The following CYP27C1 variants were observed in gnomAD, a reference collection of about 807,000 sequenced individuals.
CYP27C1 encodes the protein cytochrome P450 family 27 subfamily C member 1.
CYP27C1 carries 29 observed loss-of-function variants against 40.6 expected under a neutral mutation model. The observed-to-expected ratio is 0.71, with a 90% CI of 0.53 to 0.97. CYP27C1 has a LOEUF of 0.97. CYP27C1 is among the 50% of genes least tolerant of loss of function. The pLI, the probability that CYP27C1 is intolerant of heterozygous loss-of-function variation, is 0.00. For missense variants in CYP27C1, 390 were observed against 485.8 expected (o/e 0.80, Z 1.85); for synonymous variants, 198 against 186.8 (o/e 1.06, Z -0.49).
At position 127,200,962 on chromosome 2, in the gene CYP27C1, CA is replaced by C. The variant is rs139162819; in HGVS notation, c.883+159del. Among the ~76,000 whole-genome samples, 312 of 138,214 alleles carry C rather than the reference CA, an allele frequency of 2.3e-3. No homozygotes were observed. The highest frequency in any genetic ancestry group is 3.7e-3 in the Middle Eastern group (1 of 272). 90.7% of individuals were successfully genotyped at this position (138,214 alleles called of 152,430 possible). ...TGGGCGACAGAGCCAGACTCCGTCT[CA>C]AAAAAAAAAAAAATCCAAAAGTTAT... On this transcript the variant is annotated intron_variant, in intron 4 of 8. Coordinates refer to ENST00000664447, the MANE Select transcript of CYP27C1 (RefSeq NM_001367502.1). The surrounding 1 kb of genome is among the most constrained non-coding windows in gnomAD (Gnocchi z 4.2).
At chr2:127,215,948 C>T (rs947991770) in intron 1 of CYP27C1, among the ~76,000 whole-genome samples, 1 of 152,096 alleles carries the variant, frequency 6.6e-6, no homozygotes, top group Admixed American at 6.6e-5. Flanking sequence ...GGTAAATAAG[C>T]ACATGAAAAT....
At chr2:127,188,614 A>G (rs1682691890) in intron 8 of CYP27C1, among the ~76,000 whole-genome samples, 2 of 150,618 alleles carry the variant, frequency 1.3e-5, no homozygotes, top group African/African-American at 5.0e-5. Flanking sequence ...AATAGTGAAT[A>G]GTAATGAAAA....
chr2:127,189,586 G>A (rs1473388880), intron 8 of CYP27C1, among the ~76,000 whole-genome samples: 1 of 147,470 alleles, frequency 6.8e-6, no homozygotes, highest in African/African-American at 2.5e-5. Flanking sequence ...AAACCTACGT[G>A]TTCTGCACAT....
At position 127,187,055 on chromosome 2, in the gene CYP27C1, G is replaced by A. The variant is rs548544468; in HGVS notation, c.*216C>T. Reference sequence around the variant, plus strand: ...TTTTTAAACAGCTGTTTCCCCCAAAGAAAGGGCAACTTCTGGTATGCACCA... The same window carrying A: ...TTTTTAAACAGCTGTTTCCCCCAAAAAAAGGGCAACTTCTGGTATGCACCA... On this transcript the variant is annotated 3_prime_UTR_variant, in exon 9 of 9. Coordinates refer to ENST00000664447, the MANE Select transcript of CYP27C1 (RefSeq NM_001367502.1). The A allele has an allele frequency of 3.9e-6, 2 of 510,784 alleles. No homozygotes were observed. Among genetic ancestry groups the A allele is most frequent in the Admixed American group, 6.6e-5 (2 of 30,346 alleles). 31.6% of individuals were successfully genotyped at this position (510,784 alleles called of 1,614,324 possible).
rs1388416763 is a variant in CYP27C1, at chr2:127,195,571, A to G, written c.1048-70T>C. 6.6e-7 allele frequency: 1 copy of G among 1,523,440 alleles called. No homozygotes were observed. Among genetic ancestry groups the G allele is most frequent in the Non-Finnish European group, 9.0e-7 (1 of 1,115,538 alleles). The allele number at this position is 1,523,440 out of a possible 1,614,324, so 94.4% of individuals were successfully genotyped here. ...CAGGGACTGAAACAGAGGCGGTGGC[A>G]GGTAGGAAGTCCCCTGGGAATACAC... On this transcript the variant is annotated intron_variant, in intron 5 of 8. Transcript: ENST00000664447. This position sits in a 1 kb window ranked among gnomAD's most constrained non-coding sequence, Gnocchi z 6.2.
At chr2:127,204,555 GAGAA>G (rs1169099297) in intron 2 of CYP27C1, among the ~76,000 whole-genome samples, 1,168 of 38,846 alleles carry the variant, frequency 0.03, 30 homozygotes, top group African/African-American at 0.051. Flanking sequence ...GAGAGAGAGA[GAGAA>G]AGAAAGAAAG....
intron 3 of CYP27C1, among the ~76,000 whole-genome samples, chr2:127,203,025 G>T (rs535115197): frequency 6.6e-6 from 1 of 152,128 alleles, no homozygotes; most frequent in South Asian, 2.1e-4. Context: ...AAAATTAGCC[G>T]GGAGTGGTGG....
At position 127,201,381 on chromosome 2, in the gene CYP27C1, C is replaced by A. The variant is rs758923985; in HGVS notation, c.674-50G>T. 2 of 1,563,086 alleles carry A rather than the reference C, an allele frequency of 1.3e-6. No individual in the cohort carries two copies. Among genetic ancestry groups the A allele is most frequent in the Non-Finnish European group, 1.7e-6 (2 of 1,144,462 alleles). ...ACCCTCTTCTAGATTATTTACCATA[C>A]CAACAGGCAATGTTGGGCCATAAAT... On this transcript the variant is annotated intron_variant, in intron 3 of 8. Transcript: ENST00000664447. This position sits in a 1 kb window ranked among gnomAD's most constrained non-coding sequence, Gnocchi z 6.0.
At position 127,220,232 on chromosome 2, in the gene CYP27C1, C is replaced by T. The variant is rs1394715817; in HGVS notation, c.39G>A (p.Arg13=). Among the ~76,000 whole-genome samples, 1 of 151,474 alleles carries T rather than the reference C, an allele frequency of 6.6e-6. No individual in the cohort carries two copies. ...LLARILRAGL[R]PAPERGGLLG... Reference sequence around the variant, plus strand: ...GGAGCCCACCCCGCTCGGGCGCCGGCCGCAGCCCGGCTCTCAGGATCCGCG... The same window carrying T: ...GGAGCCCACCCCGCTCGGGCGCCGGTCGCAGCCCGGCTCTCAGGATCCGCG... Residue 13 remains arginine (R), a synonymous_variant, in exon 1 of 9, where the codon CGG becomes CGA. Coordinates refer to ENST00000664447, the MANE Select transcript of CYP27C1 (RefSeq NM_001367502.1). The surrounding 1 kb of genome is among the most constrained non-coding windows in gnomAD (Gnocchi z 4.6).
chr2:127,215,669 A>C (rs1683418311), intron 1 of CYP27C1, among the ~76,000 whole-genome samples: 1 of 152,224 alleles, frequency 6.6e-6, no homozygotes, highest in Admixed American at 6.5e-5. Context: ...CAGCCTAGGC[A>C]ACATAGCAAG....
At position 127,186,474 on chromosome 2, in the gene CYP27C1, T is replaced by A. The variant is rs982743839; in HGVS notation, c.*797A>T. The A allele has an allele frequency of 6.6e-6, 1 of 151,988 alleles. No homozygotes were observed. The highest frequency in any genetic ancestry group is 2.4e-5 in the African/African-American group (1 of 41,366). The allele number at this position is 151,988 out of a possible 1,614,324, so 9.4% of individuals were successfully genotyped here. On this transcript the variant is annotated 3_prime_UTR_variant, in exon 9 of 9. Transcript: ENST00000664447. The surrounding 1 kb of genome is among the most constrained non-coding windows in gnomAD (Gnocchi z 4.5). ...GTGCAGTGGTGCCATCATAGATAGC[T>A]CACTGCAGACCCAACCTCCTGAGCT...
chr2:127,187,477 C>T, intron 8 of CYP27C1, 90 bp from the exon 9 acceptor site: 2 of 1,157,588 alleles, frequency 1.7e-6, no homozygotes, highest in Non-Finnish European at 2.6e-6. Flanking sequence ...CCTGTGGCGG[C>T]ACTGGGCTGC....
intron 8 of CYP27C1, among the ~76,000 whole-genome samples, chr2:127,189,558 C>T (rs2104671786): frequency 6.7e-6 from 1 of 149,546 alleles, no homozygotes; most frequent in African/African-American, 2.5e-5. Context: ...CACCATGGCA[C>T]ATGTATACCT....
chr2:127,210,688 GAA>G (rs577475282), intron 1 of CYP27C1, among the ~76,000 whole-genome samples: 1 of 126,332 alleles, frequency 7.9e-6, no homozygotes, highest in African/African-American at 2.9e-5. Context: ...AGTGAAAAGT[GAA>G]AAAAAAAAAA....
chr2:127,207,897 C>T (rs1201756157), intron 1 of CYP27C1, among the ~76,000 whole-genome samples: 3 of 152,108 alleles, frequency 2.0e-5, no homozygotes, highest in African/African-American at 7.2e-5. Flanking sequence ...GAAAGAAATA[C>T]ACCTCAAAGT....
At chr2:127,198,000 G>A (rs960310005) in intron 5 of CYP27C1, among the ~76,000 whole-genome samples, 4 of 152,064 alleles carry the variant, frequency 2.6e-5, no homozygotes, top group African/African-American at 7.2e-5. Context: ...GGGCGGTGCC[G>A]CTGCATCTTA....
At chr2:127,216,521 G>T (rs1214801634) in intron 1 of CYP27C1, among the ~76,000 whole-genome samples, 3 of 152,282 alleles carry the variant, frequency 2.0e-5, no homozygotes, top group Non-Finnish European at 4.4e-5. Context: ...ACAGAAAGTA[G>T]CTTGGTGGTT....
In CYP27C1 at chr2:127,186,338, CGTT is replaced by C. The variant is rs1682623599; in HGVS notation, c.*930_*932del. On this transcript the variant is annotated 3_prime_UTR_variant, in exon 9 of 9. Transcript: ENST00000664447. This position sits in a 1 kb window ranked among gnomAD's most constrained non-coding sequence, Gnocchi z 4.5. ...CATTATGACTAGAAAATTAAGCACT[CGTT>C]GTGGAGAGAAAAGTATTCTTATACA... 1 of 151,110 alleles carries C rather than the reference CGTT, an allele frequency of 6.6e-6. No homozygotes were observed. The allele number at this position is 151,110 out of a possible 1,614,324, so 9.4% of individuals were successfully genotyped here.
chr2:127,197,753 G>C (rs1682936752), intron 5 of CYP27C1, among the ~76,000 whole-genome samples: 1 of 152,002 alleles, frequency 6.6e-6, no homozygotes, highest in Non-Finnish European at 1.5e-5. Context: ...TTTCCTTTTA[G>C]CAAATTTTAC....
Sources: allele counts gnomAD v4.1 joint callset (sites outside exome capture counted in the v4.1 genomes callset), GRCh38; gene constraint gnomAD v4.1.1; non-coding constraint Gnocchi (gnomAD v3.1); transcripts MANE v1.5; gene names NCBI Gene and HGNC (gene_info 2026-07-23, HGNC 2026-07-21).